The following PSPC1 variants were observed in gnomAD, a reference collection of about 807,000 sequenced individuals.
The protein encoded by PSPC1 is paraspeckle protein 1.
A neutral mutation model predicts 51.6 loss-of-function variants in PSPC1; 14 were observed. That is an observed-to-expected ratio of 0.27 (90% CI 0.18 to 0.42). PSPC1 has a LOEUF of 0.42. PSPC1 is among the 10% of genes least tolerant of loss of function. The pLI is 1.00. For missense variants in PSPC1, 406 were observed against 701.1 expected (o/e 0.58, Z 4.75); for synonymous variants, 193 against 231.9 (o/e 0.83, Z 1.53).
intron 5 of PSPC1, among the ~76,000 whole-genome samples, chr13:19,739,474 G>A (rs1407765406): frequency 3.3e-5 from 5 of 152,088 alleles, no homozygotes; most frequent in African/African-American, 9.7e-5. Flanking sequence ...CTGGCCGGGC[G>A]TGGTGGCTCA....
At chr13:19,678,650 C>T (rs2137576305) in intron 6 of PSPC1, 1 of 152,282 alleles carries the variant, frequency 6.6e-6, no homozygotes, top group East Asian at 1.9e-4. Flanking sequence ...AATATGTATG[C>T]AGAAACTGTA....
intron 6 of PSPC1, among the ~76,000 whole-genome samples, chr13:19,713,263 C>T (rs555461360): frequency 2.6e-5 from 4 of 152,138 alleles, no homozygotes; most frequent in African/African-American, 4.8e-5. Context: ...TTATTTGTAA[C>T]CAACATCTCA....
intron 6 of PSPC1, among the ~76,000 whole-genome samples, chr13:19,694,158 TA>T: frequency 7.4e-6 from 1 of 134,688 alleles, no homozygotes; most frequent in South Asian, 2.3e-4. Flanking sequence ...AAACCATATA[TA>T]TATATATACA....
At position 19,740,807 on chromosome 13, in the gene PSPC1, C is replaced by T. The variant is rs1279720336; in HGVS notation, c.1052+758G>A. 5.3e-5 allele frequency among the ~76,000 whole-genome samples: 8 copies of T among 152,082 alleles called. No individual in the cohort carries two copies. In the East Asian group the frequency reaches 1.5e-3, roughly 29 times the overall value. ...CTAAAAGATTTCAAGCTGACCATCACGATTGTCTATTATGTACTGAGATTT... is the reference window on the plus strand; with the variant it reads ...CTAAAAGATTTCAAGCTGACCATCATGATTGTCTATTATGTACTGAGATTT... On this transcript the variant is annotated intron_variant, in intron 5 of 8. Coordinates refer to ENST00000338910, the MANE Select transcript of PSPC1 (RefSeq NM_001354909.2).
chr13:19,699,474 A>G (rs1879646930), downstream of PSPC1: 1 of 152,072 alleles, frequency 6.6e-6, no homozygotes, highest in Admixed American at 6.5e-5. Flanking sequence ...TTCAGTAATG[A>G]AAGCTGCTGG....
chr13:19,717,206 T>C (rs1882202984), intron 6 of PSPC1, among the ~76,000 whole-genome samples: 2 of 152,176 alleles, frequency 1.3e-5, no homozygotes. Flanking sequence ...GCCAAGAAAG[T>C]ATTAACTCAT....
At chr13:19,774,827 AAAAAG>A (rs1278155228) in intron 1 of PSPC1, among the ~76,000 whole-genome samples, 3 of 150,780 alleles carry the variant, frequency 2.0e-5, no homozygotes, top group African/African-American at 2.4e-5. Context: ...AACAAAAAAA[AAAAAG>A]AAAAAGAAAA....
intron 2 of PSPC1, among the ~76,000 whole-genome samples, chr13:19,769,211 G>A (rs1212150501): frequency 1.3e-5 from 2 of 150,988 alleles, no homozygotes; most frequent in Non-Finnish European, 2.9e-5. Context: ...AGCACTTTGG[G>A]AGGCCAAACT....
At chr13:19,744,466 A>C in intron 4 of PSPC1, among the ~76,000 whole-genome samples, 1 of 152,214 alleles carries the variant, frequency 6.6e-6, no homozygotes, top group South Asian at 2.1e-4. Context: ...AAAGTTCCTG[A>C]TATTTCACTA....
In PSPC1 at chr13:19,772,260, C is replaced by T. The variant is rs1888691014; in HGVS notation, c.656G>A (p.Gly219Glu). 1.9e-6 allele frequency: 3 copies of T among 1,613,604 alleles called. No individual in the cohort carries two copies. Among genetic ancestry groups the T allele is most frequent in the Non-Finnish European group, 2.5e-6 (3 of 1,179,652 alleles). ...AACTTACGTTGTTAGCAAGAATGCC[C>T]CATCACCACATCTTTCCAGAGCCTT... ...ARKALERCGD[G>E]AFLLTTTPRP... Residue 219 changes from glycine (G) to glutamate (E), a missense_variant, in exon 2 of 9, where the codon GGG (glycine) becomes GAG (glutamate). Gly to Glu is a moderately conservative substitution (Grantham distance 98, BLOSUM62 -2). Around this residue, in one of 5 missense-constraint regions of PSPC1, gnomAD observed 180 missense variants for 337.9 expected, o/e 0.53. Transcript: ENST00000338910.
chr13:19,744,364 A>T (rs186649578), intron 4 of PSPC1, among the ~76,000 whole-genome samples: 26 of 152,298 alleles, frequency 1.7e-4, no homozygotes, highest in Non-Finnish European at 3.5e-4. Flanking sequence ...TTATCAAATA[A>T]GCACAATTAC....
intron 3 of PSPC1, among the ~76,000 whole-genome samples, chr13:19,753,600 T>C (rs1285495484): frequency 6.6e-6 from 1 of 152,164 alleles, no homozygotes; most frequent in Non-Finnish European, 1.5e-5. Flanking sequence ...TTAAAAGTAC[T>C]CATGGGAAAA....
intron 1 of PSPC1, among the ~76,000 whole-genome samples, chr13:19,777,429 CAAAAA>C (rs397938970): frequency 0.013 from 636 of 47,872 alleles, 2 homozygotes; most frequent in Non-Finnish European, 0.021. Context: ...GACCTCAGCT[CAAAAA>C]AAAAAAAAAA....
intron 2 of PSPC1, among the ~76,000 whole-genome samples, chr13:19,760,091 T>C (rs1593735821): frequency 6.6e-6 from 1 of 152,308 alleles, no homozygotes; most frequent in East Asian, 1.9e-4. Flanking sequence ...TGAGTACAAA[T>C]GATACTTCTG....
At chr13:19,698,276 T>G (rs1419235003), downstream of PSPC1, among the ~76,000 whole-genome samples, 2 of 151,946 alleles carry the variant, frequency 1.3e-5, no homozygotes, top group Non-Finnish European at 2.9e-5. Context: ...GAAAAAATTT[T>G]AGATAAAAAT....
intron 5 of PSPC1, 28 bp downstream of exon 5, chr13:19,741,537 C>A: frequency 6.8e-7 from 1 of 1,461,236 alleles, no homozygotes; most frequent in South Asian, 1.2e-5. Flanking sequence ...ACATACAATT[C>A]ATGTTTCTTA....
chr13:19,686,475 G>A (rs1877895125), intron 6 of PSPC1, among the ~76,000 whole-genome samples: 1 of 152,278 alleles, frequency 6.6e-6, no homozygotes, highest in East Asian at 1.9e-4. Flanking sequence ...GAGAAATGCG[G>A]ATGTATTAAG....
chr13:19,705,505 A>C lies in PSPC1; in HGVS notation c.1386+157T>G, dbSNP rs377578364. Among the ~76,000 whole-genome samples, 10 of 152,272 alleles carry C rather than the reference A, an allele frequency of 6.6e-5. No homozygotes were observed. The East Asian group carries it at 9.6e-4, about 15-fold the overall frequency. On this transcript the variant is annotated intron_variant, in intron 8 of 8. Transcript: ENST00000338910. Reference sequence around the variant, plus strand: ...AGACTCTCTGTCTCAAAAAAAAAAAAAACTATCTGTAACACATCAACATAT... The same window carrying C: ...AGACTCTCTGTCTCAAAAAAAAAAACAACTATCTGTAACACATCAACATAT...
chr13:19,774,321 T>C (rs1593777502), intron 1 of PSPC1, among the ~76,000 whole-genome samples: 2 of 152,224 alleles, frequency 1.3e-5, no homozygotes, highest in South Asian at 2.1e-4. Flanking sequence ...TACTGTCTTA[T>C]GAAAATTGTC....
Sources: allele counts gnomAD v4.1 joint callset (sites outside exome capture counted in the v4.1 genomes callset), GRCh38; gene constraint gnomAD v4.1.1; regional missense constraint gnomAD v4.1.1; transcripts MANE v1.5; gene names NCBI Gene and HGNC (gene_info 2026-07-23, HGNC 2026-07-21).